The following CPEB3 variants were observed in gnomAD, a reference collection of about 807,000 sequenced individuals.
CPEB3 encodes the protein cytoplasmic polyadenylation element binding protein 3.
In CPEB3, 20 loss-of-function variants were observed where a neutral mutation model predicts 67.2. The observed-to-expected ratio is 0.30, with a 90% confidence interval of 0.21 to 0.43. The LOEUF is 0.43. Ranked by LOEUF, CPEB3 falls within the 20% of genes least tolerant of loss-of-function variation. The probability of loss-of-function intolerance (pLI) is 1.00; values close to 1 mark genes in which losing one functional copy is unlikely to be tolerated. For missense variants in CPEB3, 746 were observed against 968.6 expected, an observed-to-expected ratio of 0.77 and a Z score of 3.05; for synonymous variants, 376 against 393.1, an observed-to-expected ratio of 0.96 and a Z score of 0.51.
At chr10:92,254,538 CTGTT>C (rs1259201279) in intron 1 of CPEB3, among the ~76,000 whole-genome samples, 4 of 152,198 alleles carry the variant, frequency 2.6e-5, no homozygotes, top group African/African-American at 9.6e-5. Flanking sequence ...TTCTCACTCT[CTGTT>C]TGTTAGTCTT....
chr10:92,052,855 G>C (rs138568952), intron 9 of CPEB3, among the ~76,000 whole-genome samples: 35 of 152,334 alleles, frequency 2.3e-4, no homozygotes, highest in Admixed American at 5.9e-4. Context: ...TGACAATGCA[G>C]GCAAAGAAGA....
chr10:92,136,214 A>T (rs1846089182), intron 6 of CPEB3, among the ~76,000 whole-genome samples: 2 of 152,150 alleles, frequency 1.3e-5, no homozygotes, highest in Admixed American at 6.6e-5. Context: ...ACTAAAAGAA[A>T]TACTAAGACA....
At chr10:92,063,709 A>C (rs1025369326) in intron 9 of CPEB3, among the ~76,000 whole-genome samples, 2 of 152,024 alleles carry the variant, frequency 1.3e-5, no homozygotes, top group Non-Finnish European at 2.9e-5. Flanking sequence ...GGTTGCAGTG[A>C]GCCAAGATCA....
intron 6 of CPEB3, among the ~76,000 whole-genome samples, chr10:92,125,192 C>T (rs1024591886): frequency 1.3e-5 from 2 of 152,226 alleles, no homozygotes; most frequent in African/African-American, 4.8e-5. Context: ...TTTGGTCACT[C>T]TTGTATAAAG....
intron 8 of CPEB3, among the ~76,000 whole-genome samples, chr10:92,087,428 T>G (rs1056368311): frequency 6.6e-6 from 1 of 152,186 alleles, no homozygotes; most frequent in Non-Finnish European, 1.5e-5. Flanking sequence ...GGGATTCAGA[T>G]GAGCACTCTC....
At chr10:92,178,063 T>C (rs1378875358) in intron 4 of CPEB3, among the ~76,000 whole-genome samples, 1 of 152,186 alleles carries the variant, frequency 6.6e-6, no homozygotes, top group Non-Finnish European at 1.5e-5. Context: ...CAATCCCTTC[T>C]TTTCCGAAAA....
intron 2 of CPEB3, among the ~76,000 whole-genome samples, chr10:92,208,016 G>A (rs950732190): frequency 6.6e-6 from 1 of 152,184 alleles, no homozygotes; most frequent in Admixed American, 6.5e-5. Flanking sequence ...GAAAGGACCT[G>A]GGATATGTTG....
rs377049402 is a variant in CPEB3, at chr10:92,239,591, C to G, written c.760G>C (p.Ala254Pro). The G allele has an allele frequency of 3.7e-5, 57 of 1,554,422 alleles. No individual in the cohort carries two copies. Among genetic ancestry groups the G allele is most frequent in the Non-Finnish European group, 4.5e-5 (52 of 1,148,786 alleles). Residue 254 changes from alanine (A) to proline (P), a missense_variant, in exon 2 of 10, where the codon GCA becomes CCA. Coordinates refer to ENST00000265997, the MANE Select transcript of CPEB3 (RefSeq NM_014912.5). The surrounding 1 kb of genome is among the most constrained non-coding windows in gnomAD (Gnocchi z 6.0). The part of the protein sequence containing the change: ...THQSVNAAWS[A>P]PSNPWGGLQA... ...AGGCCGCCCCAGGGGTTGGACGGTG[C>G]GCTCCAGGCTGCATTCACGCTTTGG... is the stretch of plus-strand genomic sequence containing the variant.
intron 6 of CPEB3, among the ~76,000 whole-genome samples, chr10:92,125,725 T>C (rs1170064557): frequency 7.2e-6 from 1 of 139,688 alleles, no homozygotes; most frequent in Non-Finnish European, 1.6e-5. Flanking sequence ...GGAAACAGAC[T>C]TTTTTTTTTT....
At chr10:92,122,393 G>T (rs1233568626) in intron 6 of CPEB3, among the ~76,000 whole-genome samples, 2 of 152,194 alleles carry the variant, frequency 1.3e-5, no homozygotes, top group East Asian at 1.9e-4. Context: ...GTGGTGGGTG[G>T]TAAGAGTTGA....
At chr10:92,151,992 A>G (rs1846989555) in intron 4 of CPEB3, among the ~76,000 whole-genome samples, 1 of 152,216 alleles carries the variant, frequency 6.6e-6, no homozygotes, top group Admixed American at 6.5e-5. Context: ...TGCTCTTTTA[A>G]AAACATAAAT....
intron 1 of CPEB3, among the ~76,000 whole-genome samples, chr10:92,244,602 T>C (rs1359660707): frequency 6.6e-6 from 1 of 151,558 alleles, no homozygotes; most frequent in African/African-American, 2.4e-5. Flanking sequence ...CACGCCCGGC[T>C]CATTTTTTGT....
intron 3 of CPEB3, among the ~76,000 whole-genome samples, chr10:92,192,030 A>C (rs939793196): frequency 1.3e-5 from 2 of 152,192 alleles, no homozygotes; most frequent in South Asian, 4.1e-4. Context: ...TTCCTATACT[A>C]GGAAGGGGAT....
At chr10:92,252,784 T>G (rs1389300847) in intron 1 of CPEB3, among the ~76,000 whole-genome samples, 1 of 152,224 alleles carries the variant, frequency 6.6e-6, no homozygotes, top group East Asian at 1.9e-4. Context: ...CCTCCCAAAG[T>G]GCTGAGATTA....
intron 4 of CPEB3, among the ~76,000 whole-genome samples, chr10:92,162,161 G>T (rs574037490): frequency 2.1e-4 from 31 of 151,176 alleles, no homozygotes; most frequent in African/African-American, 7.5e-4. Flanking sequence ...TTAAGAGAAA[G>T]AATCTTTTTA....
At chr10:92,230,885 G>A (rs1222564662) in intron 2 of CPEB3, among the ~76,000 whole-genome samples, 1 of 152,146 alleles carries the variant, frequency 6.6e-6, no homozygotes, top group Non-Finnish European at 1.5e-5. Context: ...GCTCCATCCT[G>A]AATTCTAACT....
At chr10:92,098,085 C>T (rs1446432313) in intron 7 of CPEB3, among the ~76,000 whole-genome samples, 3 of 134,486 alleles carry the variant, frequency 2.2e-5, no homozygotes, top group African/African-American at 5.6e-5. Flanking sequence ...CGCTTGAACC[C>T]AGGAAGTGGA....
chr10:92,149,757 A>G lies in CPEB3; in HGVS notation c.1223-4672T>C, dbSNP rs144653557. ...TTTCTCTAACTGTGGGTAATAATTA[A>G]GAATATAGGTCTGAGAACCCAACCC... is the stretch of plus-strand genomic sequence containing the variant. On this transcript the variant is annotated intron_variant, in intron 4 of 9. Transcript: ENST00000265997. Among the ~76,000 whole-genome samples the G allele has an allele frequency of 1.3e-4, 20 of 152,294 alleles. No individual in the cohort carries two copies. The East Asian group carries it at 3.5e-3, about 26-fold the overall frequency.
intron 1 of CPEB3, chr10:92,272,042 C>T (rs1251330116): frequency 6.6e-6 from 1 of 151,982 alleles, no homozygotes; most frequent in African/African-American, 2.4e-5. Flanking sequence ...TTATTCTATT[C>T]GTTATAATTC....
Sources: allele counts gnomAD v4.1 joint callset (sites outside exome capture counted in the v4.1 genomes callset), GRCh38; gene constraint gnomAD v4.1.1; non-coding constraint Gnocchi (gnomAD v3.1); transcripts MANE v1.5; gene names NCBI Gene and HGNC (gene_info 2026-07-23, HGNC 2026-07-21).